Variants in SPATA9 observed in about 807,000 individuals in gnomAD.
SPATA9 encodes spermatogenesis associated 9, also known as spermatogenesis-associated protein 9.
In SPATA9, 27 loss-of-function variants were observed where a neutral mutation model predicts 25.5. The ratio of observed to expected loss-of-function variants is 1.06; its 90% CI spans 0.78 to 1.46. The LOEUF (loss-of-function observed/expected upper bound fraction) is 1.46. SPATA9 is among the 40% of genes most tolerant of loss of function. The pLI, the probability that SPATA9 is intolerant of heterozygous loss-of-function variation, is 0.00. For synonymous variants in SPATA9, 102 were observed against 105.7 expected (o/e 0.97, Z 0.21); for missense variants, 282 against 297.5 (o/e 0.95, Z 0.38).
At chr5:95,683,017 T>C (rs1753593004), upstream of SPATA9, 2 of 1,279,026 alleles carry the variant, frequency 1.6e-6, no homozygotes, top group East Asian at 6.0e-5. Context: ...TACTGTACAA[T>C]AGGCTTCCGA....
At chr5:95,706,260 C>A in the SPATA9 span, among the ~76,000 whole-genome samples, 1 of 151,798 alleles carries the variant, frequency 6.6e-6, no homozygotes, top group African/African-American at 2.4e-5. Context: ...AATTGTAATT[C>A]CCAGTGTTGG....
At chr5:95,707,701 G>T in the SPATA9 span, among the ~76,000 whole-genome samples, 1 of 152,116 alleles carries the variant, frequency 6.6e-6, no homozygotes. Context: ...ATTCTTGGAC[G>T]TGCTGGGAGT....
intron 4 of SPATA9, chr5:95,659,267 A>G: frequency 5.5e-6 from 1 of 183,104 alleles, no homozygotes. Flanking sequence ...TTCTCAAAGT[A>G]GTTTTTTTGT....
the SPATA9 span, among the ~76,000 whole-genome samples, chr5:95,727,651 T>G: frequency 6.6e-6 from 1 of 152,176 alleles, no homozygotes; most frequent in South Asian, 2.1e-4. Flanking sequence ...ATAAAATTTT[T>G]TAAATGTGCT....
At chr5:95,684,068 A>T (rs1210265669), upstream of SPATA9, among the ~76,000 whole-genome samples, 1 of 152,080 alleles carries the variant, frequency 6.6e-6, no homozygotes, top group African/African-American at 2.4e-5. Flanking sequence ...TTCTTAGTCC[A>T]CAATCTGCCT....
At chr5:95,712,336 G>A in the SPATA9 span, among the ~76,000 whole-genome samples, 3 of 152,088 alleles carry the variant, frequency 2.0e-5, no homozygotes, top group Admixed American at 6.6e-5. Context: ...CTATGTCCTC[G>A]CCCCTTTAAC....
At chr5:95,696,783 A>G (rs1172250482) in intron 1 of SPATA9, among the ~76,000 whole-genome samples, 1 of 152,164 alleles carries the variant, frequency 6.6e-6, no homozygotes, top group Non-Finnish European at 1.5e-5. Flanking sequence ...TAGGAGTCCA[A>G]AGTTGCAGTG....
chr5:95,666,576 GTAA>G (rs766007135), intron 3 of SPATA9, among the ~76,000 whole-genome samples: 94 of 152,172 alleles, frequency 6.2e-4, no homozygotes, highest in Admixed American at 1.2e-3. Flanking sequence ...ATTAATAATA[GTAA>G]TAATAATAGA....
chr5:95,714,069 T>C, the SPATA9 span, among the ~76,000 whole-genome samples: 2 of 152,202 alleles, frequency 1.3e-5, no homozygotes, highest in South Asian at 2.1e-4. Flanking sequence ...ATCTCTATTT[T>C]ATTTTTCTTT....
downstream of SPATA9, chr5:95,657,206 A>G (rs956072719): frequency 2.0e-5 from 3 of 152,160 alleles, no homozygotes; most frequent in African/African-American, 7.2e-5. Flanking sequence ...GAGGAGATCT[A>G]GGGTTTTGTT....
At chr5:95,704,252 C>A in the SPATA9 span, among the ~76,000 whole-genome samples, 14 of 152,126 alleles carry the variant, frequency 9.2e-5, no homozygotes, top group Non-Finnish European at 1.9e-4. Context: ...TGTATAAATT[C>A]TTTCATTGGA....
intron 2 of SPATA9, among the ~76,000 whole-genome samples, chr5:95,677,322 A>G (rs1267069667): frequency 6.6e-6 from 1 of 152,222 alleles, no homozygotes; most frequent in African/African-American, 2.4e-5. Context: ...TACGCACTCT[A>G]TCTTTGTCAG....
rs1751524869 is a variant in SPATA9 at position 95,664,034 on chromosome 5, A to T, written c.393T>A (p.Ser131=). ...PLYNIQVRKG[S]LFEIISFPAK... is the part of the protein sequence containing the mutation. ...CTGGAAAGGAGATGATTTCAAACAA[A>T]GAACCCTTTCTGACCTGCAAAAACA... Residue 131 remains serine (S), a synonymous_variant, in exon 4 of 5, where the codon TCT becomes TCA. Coordinates refer to ENST00000274432, the MANE Select transcript of SPATA9 (RefSeq NM_031952.4). The T allele has an allele frequency of 1.3e-6, 2 of 1,579,972 alleles. No individual in the cohort carries two copies. The highest frequency in any genetic ancestry group is 2.3e-5 in the South Asian group (2 of 85,116).
chr5:95,656,235 T>C (rs989001159), downstream of SPATA9: 1 of 1,613,688 alleles, frequency 6.2e-7, no homozygotes, highest in East Asian at 2.2e-5. Flanking sequence ...TGTGACTCTT[T>C]CTAATGAACC....
chr5:95,717,993 C>T, the SPATA9 span, among the ~76,000 whole-genome samples: 1 of 152,242 alleles, frequency 6.6e-6, no homozygotes, highest in Admixed American at 6.5e-5. Context: ...CAACTAAGAA[C>T]TTATAAAATA....
At chr5:95,700,328 C>T (rs559351402), upstream of SPATA9, among the ~76,000 whole-genome samples, 1 of 151,804 alleles carries the variant, frequency 6.6e-6, no homozygotes, top group East Asian at 1.9e-4. Flanking sequence ...TAGATGGAGT[C>T]TCACTCCATC....
At chr5:95,688,327 A>ACTGCAGCC (rs1439952436) in intron 1 of SPATA9, among the ~76,000 whole-genome samples, 6 of 152,296 alleles carry the variant, frequency 3.9e-5, no homozygotes, top group African/African-American at 1.4e-4. Flanking sequence ...ATCAAAACTC[A>ACTGCAGCC]CTGCAGCCCC....
chr5:95,694,758 A>T (rs151323024), intron 1 of SPATA9, among the ~76,000 whole-genome samples: 152 of 152,344 alleles, frequency 1.0e-3, no homozygotes, highest in African/African-American at 3.5e-3. Context: ...TGCCACTTTG[A>T]CATAAGAATT....
the SPATA9 span, among the ~76,000 whole-genome samples, chr5:95,710,543 A>G: frequency 6.6e-6 from 1 of 152,190 alleles, no homozygotes; most frequent in Admixed American, 6.5e-5. Context: ...AGTCTCTTAG[A>G]TAAATAGGCC....
Sources: allele counts gnomAD v4.1 joint callset (sites outside exome capture counted in the v4.1 genomes callset), GRCh38; gene constraint gnomAD v4.1.1; transcripts MANE v1.5; gene names NCBI Gene and HGNC (gene_info 2026-07-23, HGNC 2026-07-21).